PDE8B: variants seen among roughly 807,000 people sequenced by gnomAD.
PDE8B encodes the protein phosphodiesterase 8B, also known as high affinity cAMP-specific and IBMX-insensitive 3',5'-cyclic phosphodiesterase 8B.
In PDE8B, 26 loss-of-function variants were observed where a neutral mutation model predicts 101.3. The observed-to-expected ratio is 0.26, with a 90% CI of 0.19 to 0.36. The LOEUF (loss-of-function observed/expected upper bound fraction) is 0.36, where lower values mean the gene tolerates loss of function less well. Ranked by LOEUF, PDE8B falls within the 10% of genes least tolerant of loss-of-function variation. The pLI, the probability that PDE8B is intolerant of heterozygous loss-of-function variation, is 1.00. For synonymous variants in PDE8B, 424 were observed against 429.3 expected (o/e 0.99, Z 0.15); for missense variants, 810 against 1,163.1 (o/e 0.70, Z 4.42).
At chr5:77,361,766 G>A (rs1170297163) in intron 10 of PDE8B, among the ~76,000 whole-genome samples, 2 of 151,986 alleles carry the variant, frequency 1.3e-5, no homozygotes, top group African/African-American at 2.4e-5. Context: ...CACCCGCCTC[G>A]GCCTCCTAAA....
chr5:77,242,865 A>C (rs999116624), intron 1 of PDE8B, among the ~76,000 whole-genome samples: 1 of 151,992 alleles, frequency 6.6e-6, no homozygotes, highest in African/African-American at 2.4e-5. Flanking sequence ...ACAGGGTTTC[A>C]CCATATTAGC....
the PDE8B span, among the ~76,000 whole-genome samples, chr5:77,177,054 C>G: frequency 2.6e-5 from 4 of 152,012 alleles, no homozygotes; most frequent in African/African-American, 9.7e-5. Flanking sequence ...CTTTCTTCTT[C>G]CTTTTTCTCT....
At chr5:77,281,322 T>G (rs927893313) in intron 1 of PDE8B, among the ~76,000 whole-genome samples, 2 of 152,236 alleles carry the variant, frequency 1.3e-5, no homozygotes, top group Non-Finnish European at 2.9e-5. Flanking sequence ...ATCCAATGTT[T>G]TAGTTTCCTC....
intron 12 of PDE8B, 90 bp downstream of exon 12, chr5:77,404,887 A>G (rs1430841189): frequency 3.7e-6 from 3 of 805,158 alleles, no homozygotes; most frequent in Non-Finnish European, 6.5e-6. Flanking sequence ...TATAAACTCC[A>G]AAGAGTAAGA....
chr5:77,203,990 T>C, the PDE8B span, among the ~76,000 whole-genome samples: 2 of 152,070 alleles, frequency 1.3e-5, no homozygotes, highest in African/African-American at 2.4e-5. Flanking sequence ...CCTTGTGCCT[T>C]GCTTTATAGA....
At chr5:77,284,722 T>C (rs1268800136) in intron 1 of PDE8B, among the ~76,000 whole-genome samples, 1 of 152,222 alleles carries the variant, frequency 6.6e-6, no homozygotes, top group Non-Finnish European at 1.5e-5. Context: ...TAAAATGAAG[T>C]AATATAGCAT....
At chr5:77,175,848 T>C in the PDE8B span, among the ~76,000 whole-genome samples, 570 of 152,332 alleles carry the variant, frequency 3.7e-3, 6 homozygotes, top group African/African-American at 0.013. Context: ...TATAAATGTG[T>C]GTATATCTAT....
intron 11 of PDE8B, among the ~76,000 whole-genome samples, chr5:77,403,213 C>T (rs1439471097): frequency 1.3e-5 from 2 of 152,034 alleles, no homozygotes; most frequent in Admixed American, 6.6e-5. Context: ...CATGACCGTG[C>T]GTTTTCAGTG....
chr5:77,244,407 G>A (rs1252028072), intron 1 of PDE8B, among the ~76,000 whole-genome samples: 1 of 152,112 alleles, frequency 6.6e-6, no homozygotes, highest in African/African-American at 2.4e-5. Flanking sequence ...ATGGGACCAG[G>A]TCAGGAAGGA....
At chr5:77,225,728 T>A (rs775207406) in intron 1 of PDE8B, among the ~76,000 whole-genome samples, 1 of 152,146 alleles carries the variant, frequency 6.6e-6, no homozygotes, top group Non-Finnish European at 1.5e-5. Context: ...AATTTAGGAC[T>A]ACAAGCCTTT....
chr5:77,344,235 C>T (rs1459725855), intron 6 of PDE8B, among the ~76,000 whole-genome samples: 1 of 152,204 alleles, frequency 6.6e-6, no homozygotes, highest in Non-Finnish European at 1.5e-5. Flanking sequence ...TGTATTGCTA[C>T]ACATTTATAC....
chr5:77,250,407 C>T (rs1757841401), intron 1 of PDE8B, among the ~76,000 whole-genome samples: 1 of 152,150 alleles, frequency 6.6e-6, no homozygotes, highest in African/African-American at 2.4e-5. Flanking sequence ...GGATGAGGCC[C>T]TCTTGACCCT....
intron 1 of PDE8B, among the ~76,000 whole-genome samples, chr5:77,269,190 T>C (rs180944181): frequency 4.7e-4 from 71 of 152,292 alleles, no homozygotes; most frequent in Admixed American, 8.5e-4. Flanking sequence ...TGAGATGATA[T>C]CTCATTGTAG....
At chr5:77,279,822 G>T (rs1425299896) in intron 1 of PDE8B, among the ~76,000 whole-genome samples, 1 of 152,162 alleles carries the variant, frequency 6.6e-6, no homozygotes, top group African/African-American at 2.4e-5. Flanking sequence ...GGGTTTTCTG[G>T]AAGTGAGAGT....
chr5:77,212,114 G>A (rs1338220314), intron 1 of PDE8B, among the ~76,000 whole-genome samples: 2 of 152,114 alleles, frequency 1.3e-5, no homozygotes, highest in African/African-American at 4.8e-5. Context: ...GTGTCCTCCC[G>A]TATGTTCTCA....
chr5:77,166,226 T>TAAA, the PDE8B span, among the ~76,000 whole-genome samples: 10,824 of 116,136 alleles, frequency 0.093, 569 homozygotes, highest in African/African-American at 0.16. Flanking sequence ...TCGGTAAAGA[T>TAAA]AAAAAAAAAA....
intron 9 of PDE8B, among the ~76,000 whole-genome samples, chr5:77,351,777 G>A (rs573242192): frequency 3.1e-4 from 47 of 152,204 alleles, no homozygotes; most frequent in African/African-American, 5.3e-4. Flanking sequence ...ATGGTGAGCC[G>A]TGGGGAGCCA....
At chr5:77,128,286 G>C in the PDE8B span, among the ~76,000 whole-genome samples, 8 of 152,116 alleles carry the variant, frequency 5.3e-5, no homozygotes, top group Non-Finnish European at 8.8e-5. Context: ...TGAGAAAAAC[G>C]TTCTTCTCTT....
At chr5:77,191,677 G>A in the PDE8B span, among the ~76,000 whole-genome samples, 12 of 152,068 alleles carry the variant, frequency 7.9e-5, no homozygotes, top group East Asian at 7.7e-4. Flanking sequence ...TTAAAGCAGC[G>A]GTCCCCAACC....
Sources: gnomAD v4.1 joint callset for allele counts (sites outside exome capture counted in the v4.1 genomes callset) on GRCh38, gnomAD v4.1.1 for gene constraint, MANE v1.5 for transcripts, NCBI Gene and HGNC (gene_info 2026-07-23, HGNC 2026-07-21) for gene names.